Variants in NUTM2E observed in about 807,000 individuals in gnomAD.
NUTM2E encodes NUT family member 2E.
NUTM2E carries 3 observed loss-of-function variants against 26.1 expected under a neutral mutation model. The ratio of observed to expected loss-of-function variants is 0.12; its 90% CI spans 0.05 to 0.30. The LOEUF (loss-of-function observed/expected upper bound fraction) is 0.30, where lower values mean the gene tolerates loss of function less well. Ranked by LOEUF, NUTM2E falls within the 10% of genes least tolerant of loss-of-function variation. NUTM2E has a pLI of 1.00. For synonymous variants in NUTM2E, 13 were observed against 157.5 expected (o/e 0.08, Z 6.87); for missense variants, 62 against 381.3 (o/e 0.16, Z 6.97).
intron 8 of NUTM2E, 106 bp downstream of exon 8, chr10:79,849,001 C>T: frequency 1.3e-6 from 1 of 789,080 alleles, no homozygotes; most frequent in Non-Finnish European, 1.9e-6. Context: ...GTGTGTATTT[C>T]CATGGATTTG....
intron 1 of NUTM2E, among the ~76,000 whole-genome samples, chr10:79,829,808 A>G (rs1338061619): frequency 1.3e-5 from 2 of 151,650 alleles, no homozygotes; most frequent in Non-Finnish European, 2.9e-5. Context: ...AATGTTGTGA[A>G]GCACCAATGG....
chr10:79,833,456 C>G (rs1379954730), intron 1 of NUTM2E, among the ~76,000 whole-genome samples: 1 of 142,848 alleles, frequency 7.0e-6, no homozygotes, highest in Non-Finnish European at 1.6e-5. Context: ...ATTTTGCAAT[C>G]TATCCATCTG....
At chr10:79,837,731 G>A (rs866056701) in intron 1 of NUTM2E, among the ~76,000 whole-genome samples, 1 of 152,070 alleles carries the variant, frequency 6.6e-6, no homozygotes, top group Non-Finnish European at 1.5e-5. Context: ...GTATGTGTGT[G>A]TGTGCATTTC....
chr10:79,829,413 C>T (rs1308377422), intron 1 of NUTM2E, among the ~76,000 whole-genome samples: 1 of 151,700 alleles, frequency 6.6e-6, no homozygotes, highest in East Asian at 1.9e-4. Flanking sequence ...TTTATTATAA[C>T]CACTATACAA....
intron 1 of NUTM2E, among the ~76,000 whole-genome samples, chr10:79,828,963 T>G (rs1237359466): frequency 1.3e-5 from 2 of 151,832 alleles, no homozygotes; most frequent in African/African-American, 4.8e-5. Flanking sequence ...TTATCATTAA[T>G]ATGGATAAAT....
intron 1 of NUTM2E, among the ~76,000 whole-genome samples, chr10:79,832,880 T>C (rs1290988925): frequency 6.6e-6 from 1 of 151,656 alleles, no homozygotes; most frequent in Non-Finnish European, 1.5e-5. Flanking sequence ...TGTGTGTATG[T>C]GTGTGTGTGT....
intron 1 of NUTM2E, among the ~76,000 whole-genome samples, chr10:79,833,047 C>T (rs1005251276): frequency 6.6e-6 from 1 of 151,716 alleles, no homozygotes; most frequent in Non-Finnish European, 1.5e-5. Flanking sequence ...AAATAGAAAA[C>T]CAAATAAGAT....
chr10:79,839,647 C>T lies in NUTM2E; in HGVS notation c.-2094C>T, dbSNP rs1278388451. Among the ~76,000 whole-genome samples, 1 of 151,872 alleles carries T rather than the reference C, an allele frequency of 6.6e-6. No homozygotes were observed. The highest frequency in any genetic ancestry group is 2.4e-5 in the African/African-American group (1 of 41,310). On this transcript the variant is annotated 5_prime_UTR_variant, in exon 4 of 10. Transcript: ENST00000429984. ...TTGCAGGATTCCTATCATCTGTCTC[C>T]ACGTGATAACACTGAAGAGCCTTCA...
rs1263565640 is a variant in NUTM2E at position 79,849,285 on chromosome 10, G to A, written c.1735-86G>A. ...CCAGGAGGGTGGGGACGGGGCGCTCGCTGCTTTCTGCATCTCCTCCAGGTG... is the reference window on the plus strand; with the variant it reads ...CCAGGAGGGTGGGGACGGGGCGCTCACTGCTTTCTGCATCTCCTCCAGGTG... On this transcript the variant is annotated intron_variant, in intron 8 of 9. Transcript: ENST00000429984. 15 of 398,282 alleles carry A rather than the reference G, an allele frequency of 3.8e-5. 2 individuals are homozygous for A. The highest frequency in any genetic ancestry group is 1.3e-4 in the African/African-American group (4 of 30,912). 24.7% of individuals were successfully genotyped at this position (398,282 alleles called of 1,614,324 possible). A position where few individuals can be genotyped will look rare whatever the true frequency, so the allele number is the denominator to read the frequency against.
At chr10:79,845,228 C>G (rs1842016727) in intron 5 of NUTM2E, among the ~76,000 whole-genome samples, 1 of 111,614 alleles carries the variant, frequency 9.0e-6, no homozygotes, top group African/African-American at 2.8e-5. Context: ...CCCCTTTAAC[C>G]CAGTATTGAT....
Position 79,843,483 on chromosome 10 carries a change from A to G in NUTM2E, c.383-690A>G, listed in dbSNP as rs369255. ...CCCTGGGAACAGAGCTTCCTGAGTG[A>G]CAGCCGGGACCATCGAGTACTGCGG... On this transcript the variant is annotated intron_variant, in intron 4 of 9. Coordinates refer to ENST00000429984, the MANE Select transcript of NUTM2E (RefSeq NM_001355263.2). Among the ~76,000 whole-genome samples the G allele has an allele frequency of 5.5e-3, 123 of 22,466 alleles. 25 individuals carry two copies. The East Asian group carries it at 0.8, about 146-fold the overall frequency. The allele number at this position is 22,466 out of a possible 152,430, so 14.7% of individuals were successfully genotyped here. A position where few individuals can be genotyped will look rare whatever the true frequency, so the allele number is the denominator to read the frequency against.
chr10:79,830,507 G>A (rs1841921033), intron 1 of NUTM2E, among the ~76,000 whole-genome samples: 1 of 151,656 alleles, frequency 6.6e-6, no homozygotes, highest in Admixed American at 6.6e-5. Context: ...AAAAACATTT[G>A]TCAATGAAAG....
At position 79,827,175 on chromosome 10, in the gene NUTM2E, T is replaced by C. The variant is rs1385712486; in HGVS notation, c.-2910T>C. ...GGGGACGGGCGCGCCCATCCGACTC[T>C]TCGAGGGGCGGCAGGGCCCCATCTG... is the stretch of plus-strand genomic sequence containing the variant. On this transcript the variant is annotated 5_prime_UTR_variant, in exon 1 of 10. Transcript: ENST00000429984. 1 of 152,746 alleles carries C rather than the reference T, an allele frequency of 6.5e-6. No individual in the cohort carries two copies. The highest frequency in any genetic ancestry group is 1.9e-4 in the East Asian group (1 of 5,134). The allele number at this position is 152,746 out of a possible 1,614,324, so 9.5% of individuals were successfully genotyped here.
Position 79,829,298 on chromosome 10 carries a change from C to G in NUTM2E, c.-2728+1941C>G, listed in dbSNP as rs953002132. Among the ~76,000 whole-genome samples the G allele has an allele frequency of 5.3e-5, 8 of 151,112 alleles. 1 individual carries two copies. The highest frequency in any genetic ancestry group is 2.6e-4 in the Admixed American group (4 of 15,124). On this transcript the variant is annotated intron_variant, in intron 1 of 9. Coordinates refer to ENST00000429984, the MANE Select transcript of NUTM2E (RefSeq NM_001355263.2). ...TAAAAATAACAATGAGAGCAAAGGC[C>G]AAAATGTATGGAGTATTTATTATGT...
intron 1 of NUTM2E, among the ~76,000 whole-genome samples, chr10:79,832,525 A>G (rs1053669506): frequency 6.6e-6 from 1 of 151,688 alleles, no homozygotes; most frequent in Non-Finnish European, 1.5e-5. Flanking sequence ...GAATATTGAC[A>G]TAGAATTAGA....
At chr10:79,827,817 T>A (rs1841897746) in intron 1 of NUTM2E, among the ~76,000 whole-genome samples, 1 of 148,918 alleles carries the variant, frequency 6.7e-6, no homozygotes, top group East Asian at 2.0e-4. Context: ...TTGTTTTTTT[T>A]TGTGATACGG....
Position 79,850,433 on chromosome 10 carries a change from C to A in NUTM2E, c.2464C>A (p.Pro822Thr). Residue 822 changes from proline (P) to threonine (T), a missense_variant, in exon 10 of 10, where the codon CCT becomes ACT. Coordinates refer to ENST00000429984, the MANE Select transcript of NUTM2E (RefSeq NM_001355263.2). ...TCCTGCCAACAAGGCCAAGAAGCAA[C>A]CTCTCTTTGGAAGCCTGTCCCCTGC... The part of the protein sequence containing the change: ...PSPANKAKKQ[P>T]LFGSLSPAEK... The A allele has an allele frequency of 1.5e-6, 1 of 678,298 alleles. No homozygotes were observed. Among genetic ancestry groups the A allele is most frequent in the Non-Finnish European group, 2.1e-6 (1 of 468,432 alleles). 42.0% of individuals were successfully genotyped at this position (678,298 alleles called of 1,614,324 possible). A position where few individuals can be genotyped will look rare whatever the true frequency, so the allele number is the denominator to read the frequency against.
At chr10:79,834,815 TACACACACACACACAC>T (rs71925965) in intron 1 of NUTM2E, among the ~76,000 whole-genome samples, 1 of 145,972 alleles carries the variant, frequency 6.9e-6, no homozygotes, top group South Asian at 2.2e-4. Context: ...ACAGAATACC[TACACACACACACACAC>T]ACACACACAC....
rs1282205196 is a variant in NUTM2E at position 79,840,071 on chromosome 10, C to G, written c.-1670C>G. On this transcript the variant is annotated 5_prime_UTR_variant, in exon 4 of 10. The change creates a new upstream start codon in the 5' untranslated region. Coordinates refer to ENST00000429984, the MANE Select transcript of NUTM2E (RefSeq NM_001355263.2). ...CTGTATCAAAGCCACATGTGAGAAT[C>G]TTGAGAAAGCATCAGCTGACTGACT... 9.8e-4 allele frequency among the ~76,000 whole-genome samples: 147 copies of G among 149,734 alleles called. No individual in the cohort carries two copies. The highest frequency in any genetic ancestry group is 3.0e-4 in the Non-Finnish European group (20 of 67,666).
Sources: gnomAD v4.1 joint callset for allele counts (sites outside exome capture counted in the v4.1 genomes callset) on GRCh38, gnomAD v4.1.1 for gene constraint, MANE v1.5 for transcripts, NCBI Gene and HGNC (gene_info 2026-07-23, HGNC 2026-07-21) for gene names.